Variants in CAMTA1 observed in about 807,000 individuals in gnomAD.
CAMTA1 encodes the protein calmodulin-binding transcription activator 1.
In CAMTA1, 27 loss-of-function variants were observed where a neutral mutation model predicts 170.9. That is an observed-to-expected ratio of 0.16 (90% CI 0.12 to 0.22). The LOEUF (loss-of-function observed/expected upper bound fraction) is 0.22. Ranked by LOEUF, CAMTA1 falls within the 10% of genes least tolerant of loss-of-function variation. CAMTA1 has a pLI of 1.00. For missense variants in CAMTA1, 1,619 were observed against 2,217.2 expected, an observed-to-expected ratio of 0.73 and a Z score of 5.42; for synonymous variants, 833 against 891.5, an observed-to-expected ratio of 0.93 and a Z score of 1.17.
chr1:7,483,637 G>C (rs1288525096), intron 6 of CAMTA1, among the ~76,000 whole-genome samples: 1 of 152,196 alleles, frequency 6.6e-6, no homozygotes, highest in Non-Finnish European at 1.5e-5. Context: ...CCAGCGTCCT[G>C]AGGGAGGCTG....
chr1:7,285,987 C>T (rs557018947), intron 5 of CAMTA1, among the ~76,000 whole-genome samples: 5 of 152,232 alleles, frequency 3.3e-5, no homozygotes, highest in Non-Finnish European at 7.4e-5. Flanking sequence ...GAGACCTGCC[C>T]GCTAGCATGC....
At chr1:7,481,696 CA>C (rs1035889478) in intron 6 of CAMTA1, among the ~76,000 whole-genome samples, 29 of 152,160 alleles carry the variant, frequency 1.9e-4, no homozygotes, top group African/African-American at 7.0e-4. Flanking sequence ...TCCACCTATC[CA>C]GCAATTTTTC....
rs183902621 is a variant in CAMTA1 at position 7,437,529 on chromosome 1, G to A, written c.439-30301G>A. Among the ~76,000 whole-genome samples the A allele has an allele frequency of 8.5e-5, 13 of 152,304 alleles. No homozygotes were observed. The East Asian group carries it at 1.5e-3, about 18-fold the overall frequency. Reference sequence around the variant, plus strand: ...CAGTCATGCTGAATCAGGGCCCACCGACTCATCTGAACTCCTTACATCTGC... The same window carrying A: ...CAGTCATGCTGAATCAGGGCCCACCAACTCATCTGAACTCCTTACATCTGC... On this transcript the variant is annotated intron_variant, in intron 5 of 22. Coordinates refer to ENST00000303635, the MANE Select transcript of CAMTA1 (RefSeq NM_015215.4).
rs543400824 is a variant in CAMTA1, at chr1:7,042,768, C to G, written c.235-48536C>G. On this transcript the variant is annotated intron_variant, in intron 3 of 22. Transcript: ENST00000303635. ...CCTTCAGTAGGGCTGGCAGCAGCTCCCGACTCACAGTTCCTTCTCTTCTGC... is the reference window on the plus strand; with the variant it reads ...CCTTCAGTAGGGCTGGCAGCAGCTCGCGACTCACAGTTCCTTCTCTTCTGC... Among the ~76,000 whole-genome samples the G allele has an allele frequency of 2.0e-5, 3 of 152,328 alleles. No individual in the cohort carries two copies. In the East Asian group the frequency reaches 5.8e-4, roughly 29 times the overall value.
At chr1:7,658,392 G>A (rs561735698) in intron 7 of CAMTA1, among the ~76,000 whole-genome samples, 2 of 152,234 alleles carry the variant, frequency 1.3e-5, no homozygotes, top group East Asian at 3.9e-4. Flanking sequence ...GGCACGTGAG[G>A]AGCCTCTGCA....
chr1:6,867,201 T>A (rs1666863054), intron 3 of CAMTA1, among the ~76,000 whole-genome samples: 1 of 151,152 alleles, frequency 6.6e-6, no homozygotes, highest in Non-Finnish European at 1.5e-5. Flanking sequence ...CCTGGTGCCT[T>A]TTGCGATTCC....
At position 7,293,512 on chromosome 1, in the gene CAMTA1, G is replaced by A. The variant is rs1673464299; in HGVS notation, c.438+43886G>A. ...ATGGCTCCATGATCCATGTGCATGT[G>A]TTCCCGGTTTTGTTTGTCATTTGCT... On this transcript the variant is annotated intron_variant, in intron 5 of 22. Transcript: ENST00000303635. This position sits in a 1 kb window ranked among gnomAD's most constrained non-coding sequence, Gnocchi z 4.1. Among the ~76,000 whole-genome samples, 1 of 152,346 alleles carries A rather than the reference G, an allele frequency of 6.6e-6. No individual in the cohort carries two copies. The highest frequency in any genetic ancestry group is 1.9e-4 in the East Asian group (1 of 5,180).
rs547657670 is a variant in CAMTA1, at chr1:7,343,632, G to A, written c.438+94006G>A. 1.8e-3 allele frequency among the ~76,000 whole-genome samples: 273 copies of A among 152,230 alleles called. 2 individuals are homozygous for A. The highest frequency in any genetic ancestry group is 3.4e-3 in the Middle Eastern group (1 of 294). ...CTGTGTCTGCCACGGGCTCTTCTCT[G>A]TCCCTCCCCGACCTTCCCACCTCCC... is the stretch of plus-strand genomic sequence containing the variant. On this transcript the variant is annotated intron_variant, in intron 5 of 22. Transcript: ENST00000303635.
chr1:7,627,468 A>T (rs1410092682), intron 6 of CAMTA1, among the ~76,000 whole-genome samples: 3 of 152,206 alleles, frequency 2.0e-5, no homozygotes, highest in Non-Finnish European at 4.4e-5. Context: ...GCCCTTCTGA[A>T]GGTTTCCCAT....
At chr1:6,958,702 C>A (rs1162504206) in intron 3 of CAMTA1, among the ~76,000 whole-genome samples, 1 of 152,224 alleles carries the variant, frequency 6.6e-6, no homozygotes. Context: ...AGTCCACCAC[C>A]CCTCTGCAGC....
chr1:6,940,723 T>G (rs1360435911), intron 3 of CAMTA1, among the ~76,000 whole-genome samples: 1 of 151,958 alleles, frequency 6.6e-6, no homozygotes, highest in Non-Finnish European at 1.5e-5. Context: ...AGGGCCTCAG[T>G]GTGCACTGGG....
chr1:7,191,312 A>G (rs1303798081), intron 4 of CAMTA1, among the ~76,000 whole-genome samples: 1 of 152,212 alleles, frequency 6.6e-6, no homozygotes, highest in Non-Finnish European at 1.5e-5. Flanking sequence ...TGAATTCTCT[A>G]ATTCTGGATA....
At chr1:7,650,035 A>G (rs1027013533) in intron 7 of CAMTA1, among the ~76,000 whole-genome samples, 6 of 152,190 alleles carry the variant, frequency 3.9e-5, no homozygotes, top group Non-Finnish European at 7.4e-5. Flanking sequence ...CTACCTCCCC[A>G]CACACCAGGA....
At position 7,320,661 on chromosome 1, in the gene CAMTA1, T is replaced by C. The variant is rs1039464171; in HGVS notation, c.438+71035T>C. 5.3e-5 allele frequency among the ~76,000 whole-genome samples: 8 copies of C among 149,662 alleles called. No homozygotes were observed. In the East Asian group the frequency reaches 1.4e-3, roughly 25 times the overall value. ...CTGTGCTGTGTGTGTTTTTTTTTTTTTTTTTTTTTTTTTGCTATCTTAGCC... is the reference window on the plus strand; with the variant it reads ...CTGTGCTGTGTGTGTTTTTTTTTTTCTTTTTTTTTTTTTGCTATCTTAGCC... On this transcript the variant is annotated intron_variant, in intron 5 of 22. Coordinates refer to ENST00000303635, the MANE Select transcript of CAMTA1 (RefSeq NM_015215.4).
chr1:7,388,329 G>T (rs1337373799), intron 5 of CAMTA1: 1 of 152,234 alleles, frequency 6.6e-6, no homozygotes, highest in African/African-American at 2.4e-5. Context: ...CCGTTGTGCT[G>T]CAGGGAAGGG....
At chr1:7,476,666 G>A (rs1329279805) in intron 6 of CAMTA1, among the ~76,000 whole-genome samples, 1 of 152,114 alleles carries the variant, frequency 6.6e-6, no homozygotes, top group East Asian at 1.9e-4. Flanking sequence ...CATGGGGAAG[G>A]GCCTGGAATC....
chr1:7,323,711 C>G (rs143782191), intron 5 of CAMTA1, among the ~76,000 whole-genome samples: 3 of 152,160 alleles, frequency 2.0e-5, no homozygotes, highest in African/African-American at 7.2e-5. Context: ...AGAACGACCT[C>G]TCTAGAACAT....
chr1:7,112,652 G>T (rs1644133077), intron 4 of CAMTA1, among the ~76,000 whole-genome samples: 1 of 152,212 alleles, frequency 6.6e-6, no homozygotes. Context: ...CTCTCCCTTT[G>T]TAGGAGCACA....
chr1:7,549,256 G>A (rs1447776356), intron 6 of CAMTA1, among the ~76,000 whole-genome samples: 2 of 150,618 alleles, frequency 1.3e-5, no homozygotes, highest in African/African-American at 2.4e-5. Context: ...AGGGGTGGAG[G>A]TGCCCATGGA....
Sources: allele counts gnomAD v4.1 joint callset (sites outside exome capture counted in the v4.1 genomes callset), GRCh38; gene constraint gnomAD v4.1.1; non-coding constraint Gnocchi (gnomAD v3.1); transcripts MANE v1.5; gene names NCBI Gene and HGNC (gene_info 2026-07-23, HGNC 2026-07-21).